PTPRE: variants seen among roughly 807,000 people sequenced by gnomAD.
PTPRE encodes the protein protein tyrosine phosphatase receptor type E.
In PTPRE, 51 loss-of-function variants were observed where a neutral mutation model predicts 102.0. The ratio of observed to expected loss-of-function variants is 0.50; its 90% CI spans 0.40 to 0.63. The LOEUF (loss-of-function observed/expected upper bound fraction) is 0.63. Among genes scored for constraint, PTPRE ranks in the 30% least tolerant of loss-of-function variants. The pLI is 0.00. For missense variants in PTPRE, 752 were observed against 915.1 expected (o/e 0.82, Z 2.30); for synonymous variants, 345 against 348.2 (o/e 0.99, Z 0.10).
intron 1 of PTPRE, among the ~76,000 whole-genome samples, chr10:127,980,757 T>A (rs149620489): frequency 0.018 from 2,794 of 152,278 alleles, 69 homozygotes; most frequent in African/African-American, 0.061. Context: ...AACAATTTTT[T>A]AAAAATATAA....
chr10:127,969,689 C>T (rs201974842), intron 1 of PTPRE, among the ~76,000 whole-genome samples: 7 of 136,814 alleles, frequency 5.1e-5, no homozygotes, highest in African/African-American at 2.0e-4. Flanking sequence ...AAAAGGGGGG[C>T]GGGGGGATGA....
chr10:128,014,552 A>C (rs2135639301), intron 2 of PTPRE, among the ~76,000 whole-genome samples: 1 of 152,298 alleles, frequency 6.6e-6, no homozygotes, highest in South Asian at 2.1e-4. Context: ...AAAGAAGATT[A>C]AAATCTGTGT....
At chr10:128,075,215 C>T (rs1253160221) in intron 17 of PTPRE, among the ~76,000 whole-genome samples, 1 of 152,168 alleles carries the variant, frequency 6.6e-6, no homozygotes, top group African/African-American at 2.4e-5. Flanking sequence ...TCAGGTATTC[C>T]TTCTCCTGTC....
intron 2 of PTPRE, among the ~76,000 whole-genome samples, chr10:127,994,235 T>A (rs769012139): frequency 6.6e-6 from 1 of 152,200 alleles, no homozygotes; most frequent in African/African-American, 2.4e-5. Context: ...CCATGGTGAC[T>A]GGCGAAGGAC....
rs924925665 is a variant in PTPRE, at chr10:127,969,751, G to A, written c.-30-12523G>A. On this transcript the variant is annotated intron_variant, in intron 1 of 20. Transcript: ENST00000254667. ...TTGTCATATCACACGTAAAGGAGAC[G>A]GTCAGACTGGGGCTCTTTTCTGTTA... Among the ~76,000 whole-genome samples, 9 of 151,988 alleles carry A rather than the reference G, an allele frequency of 5.9e-5. No homozygotes were observed. The East Asian group carries it at 7.7e-4, about 13-fold the overall frequency.
chr10:127,956,117 T>A (rs559352807), intron 1 of PTPRE, among the ~76,000 whole-genome samples: 1 of 152,322 alleles, frequency 6.6e-6, no homozygotes, highest in Admixed American at 6.5e-5. Context: ...CTTATTATTA[T>A]CTTATCTGGA....
intron 2 of PTPRE, among the ~76,000 whole-genome samples, chr10:127,987,963 G>A (rs1852241292): frequency 6.6e-6 from 1 of 152,246 alleles, no homozygotes; most frequent in Non-Finnish European, 1.5e-5. Context: ...CTGTGTGTAA[G>A]GGTTTCCTGC....
At chr10:127,916,970 C>T (rs1259100157) in intron 1 of PTPRE, among the ~76,000 whole-genome samples, 2 of 151,986 alleles carry the variant, frequency 1.3e-5, no homozygotes, top group African/African-American at 4.8e-5. Context: ...GCGGCCTGGC[C>T]AGCCCCACAG....
chr10:127,983,982 C>A (rs139295076), intron 2 of PTPRE, among the ~76,000 whole-genome samples: 262 of 152,304 alleles, frequency 1.7e-3, no homozygotes, highest in African/African-American at 6.0e-3. Flanking sequence ...TCCTGTCCTC[C>A]CTGCATCCAC....
intron 1 of PTPRE, among the ~76,000 whole-genome samples, chr10:127,957,529 C>T (rs2135373877): frequency 6.6e-6 from 1 of 152,294 alleles, no homozygotes; most frequent in African/African-American, 2.4e-5. Context: ...CTCATTGCAA[C>T]AGCCATGACT....
chr10:127,965,929 C>T (rs1044074383), intron 1 of PTPRE, among the ~76,000 whole-genome samples: 9 of 152,270 alleles, frequency 5.9e-5, no homozygotes, highest in African/African-American at 2.2e-4. Context: ...GCCTGACCTC[C>T]TCCTGGCCTT....
chr10:127,960,290 C>G (rs1029229027), intron 1 of PTPRE, among the ~76,000 whole-genome samples: 3 of 152,206 alleles, frequency 2.0e-5, no homozygotes, highest in Admixed American at 2.0e-4. Context: ...ACTGCAGACA[C>G]CCAGCAAGTG....
chr10:128,011,286 C>T (rs1844987648), intron 2 of PTPRE, among the ~76,000 whole-genome samples: 1 of 152,166 alleles, frequency 6.6e-6, no homozygotes, highest in Admixed American at 6.5e-5. Context: ...ATGCTAGTTC[C>T]TAATTAATCA....
At chr10:128,077,840 GT>G in intron 19 of PTPRE, 57 bp downstream of exon 19, 14 of 1,536,274 alleles carry the variant, frequency 9.1e-6, no homozygotes, top group Non-Finnish European at 1.2e-5. Flanking sequence ...CACCCCCCCA[GT>G]ACCCGCAGCT....
intron 1 of PTPRE, among the ~76,000 whole-genome samples, chr10:127,953,869 G>A (rs1849215778): frequency 6.6e-6 from 1 of 152,200 alleles, no homozygotes; most frequent in South Asian, 2.1e-4. Flanking sequence ...TTGCTTGGAA[G>A]GAGAAATGGC....
At chr10:127,910,179 C>T (rs1845771418) in intron 1 of PTPRE, among the ~76,000 whole-genome samples, 1 of 152,184 alleles carries the variant, frequency 6.6e-6, no homozygotes. Context: ...AACTACAGTT[C>T]TAAGAACATC....
At chr10:128,006,329 G>A (rs1854540396) in intron 2 of PTPRE, among the ~76,000 whole-genome samples, 1 of 152,208 alleles carries the variant, frequency 6.6e-6, no homozygotes, top group Non-Finnish European at 1.5e-5. Context: ...GAGCGGGGAA[G>A]CAGATTTTCA....
chr10:128,065,977 C>T (rs1850051605), intron 10 of PTPRE, 98 bp from the exon 11 acceptor site: 7 of 1,554,432 alleles, frequency 4.5e-6, no homozygotes, highest in Non-Finnish European at 5.3e-6. Context: ...TGTGTGACTC[C>T]AGCTGGTGTG....
chr10:128,068,424 T>C (rs1850472998), intron 12 of PTPRE, 138 bp downstream of exon 12: 1 of 977,502 alleles, frequency 1.0e-6, no homozygotes, highest in Non-Finnish European at 1.5e-6. Context: ...CAAATGTCAG[T>C]GACTGAGCCA....
Sources: gnomAD v4.1 joint callset for allele counts (sites outside exome capture counted in the v4.1 genomes callset) on GRCh38, gnomAD v4.1.1 for gene constraint, MANE v1.5 for transcripts, NCBI Gene and HGNC (gene_info 2026-07-23, HGNC 2026-07-21) for gene names.